The following FAM210B variants were observed in gnomAD, a reference collection of about 807,000 sequenced individuals.
FAM210B encodes family with sequence similarity 210 member B.
In FAM210B, 11 loss-of-function variants were observed where a neutral mutation model predicts 14.9. The ratio of observed to expected loss-of-function variants is 0.74; its 90% confidence interval spans 0.46 to 1.22. The LOEUF (loss-of-function observed/expected upper bound fraction) is 1.22. Among genes scored for constraint, FAM210B ranks in the 50% most tolerant of loss-of-function variants. The pLI, the probability that FAM210B is intolerant of heterozygous loss-of-function variation, is 0.00. For missense variants in FAM210B, 229 were observed against 250.1 expected, an observed-to-expected ratio of 0.92 and a Z score of 0.57; for synonymous variants, 113 against 110.2, an observed-to-expected ratio of 1.03 and a Z score of -0.16.
In FAM210B at chr20:56,368,329, C is replaced by CAAAAAAAAA. The variant is rs148519468; in HGVS notation, c.*2047_*2055dup. ...ATTTATGTCCCTAGTAATGCCTATG[C>CAAAAAAAAA]AAAAAAAAAAAAAGAAAAAAAAGAA... On this transcript the variant is annotated 3_prime_UTR_variant, in exon 3 of 3. Coordinates refer to ENST00000371384, the MANE Select transcript of FAM210B (RefSeq NM_080821.3). 3.2e-5 allele frequency: 3 copies of CAAAAAAAAA among 94,000 alleles called. No homozygotes were observed. The highest frequency in any genetic ancestry group is 3.2e-5 in the African/African-American group (1 of 31,252). The allele number at this position is 94,000 out of a possible 1,614,324, so 5.8% of individuals were successfully genotyped here.
At chr20:56,361,292 T>C (rs1408697417) in intron 1 of FAM210B, among the ~76,000 whole-genome samples, 2 of 152,088 alleles carry the variant, frequency 1.3e-5, no homozygotes, top group Non-Finnish European at 2.9e-5. Flanking sequence ...TCCCGCCCCA[T>C]TGGTGTTTCT....
At position 56,365,200 on chromosome 20, in the gene FAM210B, C is replaced by G; in HGVS notation, c.300C>G (p.Gly100=). The G allele has an allele frequency of 6.2e-7, 1 of 1,614,056 alleles. No individual in the cohort carries two copies. The change falls in exon 2 of 3, where the codon GGC becomes GGG. Residue 100 remains glycine (G), a synonymous_variant. Transcript: ENST00000371384. ...TTTTTCAAGAGTATGGCACTGTTGG[C>G]GTGTCATTGCACATTGGAATCTCAT... The part of the protein sequence containing the change: ...KKIFQEYGTV[G]VSLHIGISLI...
At position 56,366,997 on chromosome 20, in the gene FAM210B, T is replaced by A. The variant is rs1983649964; in HGVS notation, c.*710T>A. The A allele has an allele frequency of 6.6e-6, 1 of 152,622 alleles. No individual in the cohort carries two copies. Among genetic ancestry groups the A allele is most frequent in the Non-Finnish European group, 1.5e-5 (1 of 68,034 alleles). 9.5% of individuals were successfully genotyped at this position (152,622 alleles called of 1,614,324 possible). On this transcript the variant is annotated 3_prime_UTR_variant, in exon 3 of 3. Coordinates refer to ENST00000371384, the MANE Select transcript of FAM210B (RefSeq NM_080821.3). Reference sequence around the variant, plus strand: ...ATATAAAAACCCTGCCCAGTAGCAGTGGCATCGCTTGGTTCCTGATGCCCA... The same window carrying A: ...ATATAAAAACCCTGCCCAGTAGCAGAGGCATCGCTTGGTTCCTGATGCCCA...
In FAM210B at chr20:56,362,468, T is replaced by C. The variant is rs2146107838; in HGVS notation, c.187-2619T>C. Among the ~76,000 whole-genome samples the C allele has an allele frequency of 6.6e-6, 1 of 152,268 alleles. No homozygotes were observed. Among genetic ancestry groups the C allele is most frequent in the South Asian group, 2.1e-4 (1 of 4,824 alleles). On this transcript the variant is annotated intron_variant, in intron 1 of 2. Coordinates refer to ENST00000371384, the MANE Select transcript of FAM210B (RefSeq NM_080821.3). The surrounding 1 kb of genome is among the most constrained non-coding windows in gnomAD (Gnocchi z 4.8). ...CTTACGGCAATGTTTCACGAAGAAA[T>C]GAATGTCTAAAAATTTTCCATTGCC...
intron 1 of FAM210B, chr20:56,360,645 G>A (rs1466566509): frequency 5.8e-6 from 1 of 172,808 alleles, no homozygotes; most frequent in South Asian, 1.3e-4. Context: ...CTGGCATCTG[G>A]TGTGTCCTAA....
chr20:56,360,491 A>G (rs1983511757), intron 1 of FAM210B: 1 of 216,878 alleles, frequency 4.6e-6, no homozygotes, highest in Non-Finnish European at 9.7e-6. Context: ...TTGGCCTCAG[A>G]CTCCCTGGAT....
intron 2 of FAM210B, 42 bp from the exon 3 acceptor site, chr20:56,366,029 C>T: frequency 6.9e-7 from 1 of 1,444,454 alleles, no homozygotes; most frequent in Non-Finnish European, 9.7e-7. Flanking sequence ...TTCATTTAAT[C>T]CCTTGCTGTA....
rs1476476137 is a variant in FAM210B at position 56,366,346 on chromosome 20, T to G, written c.*59T>G. ...TTCTTCTAAATTACATGATTTGGAT[T>G]GGTTTTAGGGTTTTAGGGTTGTAGG... On this transcript the variant is annotated 3_prime_UTR_variant, in exon 3 of 3. Transcript: ENST00000371384. 1 of 1,559,066 alleles carries G rather than the reference T, an allele frequency of 6.4e-7. No individual in the cohort carries two copies. The highest frequency in any genetic ancestry group is 1.1e-5 in the South Asian group (1 of 88,398).
Position 56,366,265 on chromosome 20 carries a change from A to G in FAM210B, c.557A>G (p.Lys186Arg). 1 of 1,614,104 alleles carries G rather than the reference A, an allele frequency of 6.2e-7. No individual in the cohort carries two copies. Among genetic ancestry groups the G allele is most frequent in the Non-Finnish European group, 8.5e-7 (1 of 1,180,006 alleles). Residue 186 changes from lysine (K) to arginine (R), a missense_variant, in exon 3 of 3, where the codon AAA becomes AGA. This residue lies in a region of FAM210B where 53 missense variants were observed against 55.4 expected (regional missense o/e 0.96). Transcript: ENST00000371384. ...TATTTTCGAAAAGTGGGATTTTTTA[A>G]ACCTCCAGCTGCAAAACCTTAATGA... ...VRYFRKVGFF[K>R]PPAAKP
chr20:56,365,022 T>G lies in FAM210B; in HGVS notation c.187-65T>G, dbSNP rs987348228. 4 of 1,495,724 alleles carry G rather than the reference T, an allele frequency of 2.7e-6. No homozygotes were observed. The African/African-American group carries it at 5.6e-5, about 21-fold the overall frequency. 92.7% of individuals were successfully genotyped at this position (1,495,724 alleles called of 1,614,324 possible). A position where few individuals can be genotyped will look rare whatever the true frequency, so the allele number is the denominator to read the frequency against. On this transcript the variant is annotated intron_variant, in intron 1 of 2. Coordinates refer to ENST00000371384, the MANE Select transcript of FAM210B (RefSeq NM_080821.3). ...AAGAGTATAACATTGCATGCGTGTA[T>G]AAAAGCCGGTAATGACTGCCCGTGC...
rs1983566908 is a variant in FAM210B at position 56,363,168 on chromosome 20, TC to T, written c.187-1917del. On this transcript the variant is annotated intron_variant, in intron 1 of 2. Transcript: ENST00000371384. The surrounding 1 kb of genome is among the most constrained non-coding windows in gnomAD (Gnocchi z 4.1). ...GCCTGGACATTCTGGAAAAGTGTCT[TC>T]CTTTAAGAATGGTCATTCTGGCAGG... Among the ~76,000 whole-genome samples the T allele has an allele frequency of 6.6e-6, 1 of 152,160 alleles. No homozygotes were observed. Among genetic ancestry groups the T allele is most frequent in the Non-Finnish European group, 1.5e-5 (1 of 68,020 alleles).
chr20:56,366,089 A>G lies in FAM210B; in HGVS notation c.381A>G (p.Ala127=). The change falls in exon 3 of 3, where the codon GCA becomes GCG. Residue 127 remains alanine, a synonymous_variant. Transcript: ENST00000371384. ...CCCCTAGTGGTGTGGACATGCCTGC[A>G]ATCCTGCTGAAACTCGGATTTAAAG... ...MVVSSGVDMP[A]ILLKLGFKES... 1 of 1,614,130 alleles carries G rather than the reference A, an allele frequency of 6.2e-7. No individual in the cohort carries two copies. The highest frequency in any genetic ancestry group is 1.1e-5 in the South Asian group (1 of 91,074).
At chr20:56,361,630 C>T (rs187386170) in intron 1 of FAM210B, among the ~76,000 whole-genome samples, 11 of 152,262 alleles carry the variant, frequency 7.2e-5, no homozygotes, top group African/African-American at 2.4e-4. Flanking sequence ...GTGGGGTTGA[C>T]AGTAGTCAAG....
chr20:56,366,434 A>G lies in FAM210B; in HGVS notation c.*147A>G, dbSNP rs1447872402. ...CTCATGGATAAACTTTGCCAGCAAA[A>G]ATCAGGCTTTTGAACAATTTTAATT... On this transcript the variant is annotated 3_prime_UTR_variant, in exon 3 of 3. Coordinates refer to ENST00000371384, the MANE Select transcript of FAM210B (RefSeq NM_080821.3). 6.8e-6 allele frequency: 5 copies of G among 739,138 alleles called. No individual in the cohort carries two copies. Among genetic ancestry groups the G allele is most frequent in the Non-Finnish European group, 8.7e-6 (4 of 459,444 alleles). The allele number at this position is 739,138 out of a possible 1,614,324, so 45.8% of individuals were successfully genotyped here.
intron 1 of FAM210B, among the ~76,000 whole-genome samples, chr20:56,364,725 C>A (rs957713438): frequency 6.6e-6 from 1 of 152,022 alleles, no homozygotes; most frequent in African/African-American, 2.4e-5. Context: ...GAGGCCAAGG[C>A]GGGTGGATCA....
chr20:56,359,073 C>T lies in FAM210B; in HGVS notation c.68C>T (p.Thr23Ile). 7.4e-7 allele frequency: 1 copy of T among 1,356,710 alleles called. No homozygotes were observed. The allele number at this position is 1,356,710 out of a possible 1,614,324, so 84.0% of individuals were successfully genotyped here. A position where few individuals can be genotyped will look rare whatever the true frequency, so the allele number is the denominator to read the frequency against. The stretch of plus-strand genomic sequence containing the variant: ...GGCGCCCGGGTCCGGCCTCGCGCCA[C>T]CTGGCTCCTGGGCGCCACCGCCCCC... ...RVGARVRPRA[T>I]WLLGATAPCA... Residue 23 changes from threonine to isoleucine, a missense_variant, in exon 1 of 3, where the codon ACC becomes ATC. Thr to Ile is a moderately conservative substitution (Grantham distance 89). Coordinates refer to ENST00000371384, the MANE Select transcript of FAM210B (RefSeq NM_080821.3). This position sits in a 1 kb window ranked among gnomAD's most constrained non-coding sequence, Gnocchi z 4.3.
Position 56,363,351 on chromosome 20 carries a change from C to T in FAM210B, c.187-1736C>T, listed in dbSNP as rs1983569416. Among the ~76,000 whole-genome samples, 1 of 152,178 alleles carries T rather than the reference C, an allele frequency of 6.6e-6. No individual in the cohort carries two copies. Among genetic ancestry groups the T allele is most frequent in the Non-Finnish European group, 1.5e-5 (1 of 68,034 alleles). The stretch of plus-strand genomic sequence containing the variant: ...CGACAAAGGTTCCTGGGTCATGAGG[C>T]AGTGAGGGATTTATGAAATGACGCC... On this transcript the variant is annotated intron_variant, in intron 1 of 2. Transcript: ENST00000371384. The surrounding 1 kb of genome is among the most constrained non-coding windows in gnomAD (Gnocchi z 4.1).
chr20:56,364,758 A>T (rs1350193144), intron 1 of FAM210B, among the ~76,000 whole-genome samples: 1 of 152,096 alleles, frequency 6.6e-6, no homozygotes, highest in African/African-American at 2.4e-5. Context: ...ATCAAGACCA[A>T]CCTGGCTAAC....
At position 56,362,224 on chromosome 20, in the gene FAM210B, G is replaced by C. The variant is rs1983546323; in HGVS notation, c.187-2863G>C. On this transcript the variant is annotated intron_variant, in intron 1 of 2. Coordinates refer to ENST00000371384, the MANE Select transcript of FAM210B (RefSeq NM_080821.3). This position sits in a 1 kb window ranked among gnomAD's most constrained non-coding sequence, Gnocchi z 4.8. The stretch of plus-strand genomic sequence containing the variant: ...GGTGTCACTCCAAACACTGCGATCG[G>C]CTTGGCAAGGTCCTTGGCTCATTCT... Among the ~76,000 whole-genome samples the C allele has an allele frequency of 6.6e-6, 1 of 152,078 alleles. No individual in the cohort carries two copies. Among genetic ancestry groups the C allele is most frequent in the Non-Finnish European group, 1.5e-5 (1 of 68,020 alleles).
Sources: allele counts gnomAD v4.1 joint callset (sites outside exome capture counted in the v4.1 genomes callset), GRCh38; gene constraint gnomAD v4.1.1; regional missense constraint gnomAD v4.1.1; non-coding constraint Gnocchi (gnomAD v3.1); transcripts MANE v1.5; gene names NCBI Gene and HGNC (gene_info 2026-07-23, HGNC 2026-07-21).